PTPRD: variants seen among roughly 807,000 people sequenced by gnomAD.
PTPRD encodes protein tyrosine phosphatase receptor type D.
Under a neutral mutation model 214.5 loss-of-function variants are expected in PTPRD, and 34 were observed. The ratio of observed to expected loss-of-function variants is 0.16; its 90% CI spans 0.12 to 0.21. PTPRD has a LOEUF of 0.21. Ranked by LOEUF, PTPRD falls within the 10% of genes least tolerant of loss-of-function variation. The pLI is 1.00. For synonymous variants in PTPRD, 1,128 were observed against 845.7 expected, an observed-to-expected ratio of 1.33 and a Z score of -5.79; for missense variants, 2,545 against 2,398.7, an observed-to-expected ratio of 1.06 and a Z score of -1.27.
chr9:9,596,449 G>C (rs889404288), intron 7 of PTPRD, among the ~76,000 whole-genome samples: 1 of 151,816 alleles, frequency 6.6e-6, no homozygotes, highest in Non-Finnish European at 1.5e-5. Flanking sequence ...TGTTCACTTT[G>C]TAGAAAATCT....
chr9:10,150,589 C>A (rs1442895365), intron 3 of PTPRD, among the ~76,000 whole-genome samples: 1 of 150,716 alleles, frequency 6.6e-6, no homozygotes, highest in Non-Finnish European at 1.5e-5. Context: ...AGCACACCAG[C>A]ACAGCACATG....
intron 9 of PTPRD, among the ~76,000 whole-genome samples, chr9:9,389,042 A>T (rs990691076): frequency 6.6e-6 from 1 of 152,206 alleles, no homozygotes; most frequent in African/African-American, 2.4e-5. Flanking sequence ...TGGGCAAGTA[A>T]CTAAACTTTT....
intron 5 of PTPRD, among the ~76,000 whole-genome samples, chr9:9,798,205 C>A (rs916725777): frequency 1.3e-5 from 2 of 151,908 alleles, no homozygotes; most frequent in African/African-American, 2.4e-5. Flanking sequence ...GGGAGGAAAC[C>A]TTTATTCATT....
At chr9:9,252,405 G>C (rs1463082481) in intron 9 of PTPRD, among the ~76,000 whole-genome samples, 3 of 151,872 alleles carry the variant, frequency 2.0e-5, no homozygotes, top group African/African-American at 7.3e-5. Context: ...ACTTTTCCTG[G>C]CCACCTTCCT....
intron 8 of PTPRD, among the ~76,000 whole-genome samples, chr9:9,443,832 T>A (rs1477201266): frequency 6.6e-6 from 1 of 152,206 alleles, no homozygotes; most frequent in African/African-American, 2.4e-5. Context: ...GATGATGCTT[T>A]AAGCTGCTAA....
chr9:8,802,509 A>T (rs976822023), intron 11 of PTPRD, among the ~76,000 whole-genome samples: 2 of 152,170 alleles, frequency 1.3e-5, no homozygotes, highest in African/African-American at 4.8e-5. Flanking sequence ...GCACAAATAA[A>T]CTGAGTAATA....
chr9:9,668,489 T>C (rs2096765722), intron 7 of PTPRD, among the ~76,000 whole-genome samples: 1 of 152,172 alleles, frequency 6.6e-6, no homozygotes, highest in Admixed American at 6.5e-5. Context: ...TTTTAGTACA[T>C]TGTTGATTTT....
chr9:10,526,898 C>G (rs2054460038), intron 2 of PTPRD, among the ~76,000 whole-genome samples: 1 of 152,076 alleles, frequency 6.6e-6, no homozygotes, highest in African/African-American at 2.4e-5. Context: ...GCTTCATTAT[C>G]TATGTGTTCA....
At position 9,637,267 on chromosome 9, in the gene PTPRD, T is replaced by G. The variant is rs890648082; in HGVS notation, c.-286-62486A>C. 3.9e-5 allele frequency among the ~76,000 whole-genome samples: 6 copies of G among 152,146 alleles called. No homozygotes were observed. In the East Asian group the frequency reaches 1.2e-3, roughly 29 times the overall value. ...TTAATTCACTCTAGCATAAACTCAA[T>G]AGTCTGAAGTCCAGAGTTTCATTTA... On this transcript the variant is annotated intron_variant, in intron 7 of 45. Coordinates refer to ENST00000381196, the MANE Select transcript of PTPRD (RefSeq NM_002839.4).
At chr9:9,935,099 C>T (rs1002725917) in intron 5 of PTPRD, among the ~76,000 whole-genome samples, 1 of 152,080 alleles carries the variant, frequency 6.6e-6, no homozygotes, top group Non-Finnish European at 1.5e-5. Context: ...CTCTCTATGA[C>T]AAACCCACAG....
intron 7 of PTPRD, among the ~76,000 whole-genome samples, chr9:9,629,759 C>A (rs534349839): frequency 1.6e-4 from 25 of 152,262 alleles, no homozygotes; most frequent in Admixed American, 1.0e-3. Context: ...TCTTTCCCTT[C>A]TGAATTCAAA....
At chr9:9,908,506 G>C (rs933354475) in intron 5 of PTPRD, among the ~76,000 whole-genome samples, 1 of 151,996 alleles carries the variant, frequency 6.6e-6, no homozygotes, top group Non-Finnish European at 1.5e-5. Flanking sequence ...CTTTCTGCTG[G>C]GAGTATGTGC....
intron 5 of PTPRD, among the ~76,000 whole-genome samples, chr9:9,915,307 G>A (rs2080403444): frequency 6.6e-6 from 1 of 150,934 alleles, no homozygotes; most frequent in Non-Finnish European, 1.5e-5. Flanking sequence ...AATTAATGTA[G>A]GAACACATCA....
chr9:10,377,167 G>A (rs1170693413), intron 2 of PTPRD, among the ~76,000 whole-genome samples: 1 of 151,522 alleles, frequency 6.6e-6, no homozygotes, highest in Non-Finnish European at 1.5e-5. Context: ...TTGTCTTTCT[G>A]TGCCTGGCTT....
chr9:9,473,943 G>C (rs2146670391), intron 8 of PTPRD, among the ~76,000 whole-genome samples: 1 of 148,970 alleles, frequency 6.7e-6, no homozygotes, highest in Middle Eastern at 3.4e-3. Context: ...ACATTGTTTT[G>C]CTTTACGGAA....
chr9:8,925,738 G>T (rs10815998), intron 11 of PTPRD, among the ~76,000 whole-genome samples: 47,557 of 150,932 alleles, frequency 0.32, 7,586 homozygotes, highest in Middle Eastern at 0.36. Flanking sequence ...GTTCTGTTCA[G>T]CTATAAACAC....
chr9:9,044,071 G>A (rs1329673795), intron 10 of PTPRD, among the ~76,000 whole-genome samples: 1 of 152,126 alleles, frequency 6.6e-6, no homozygotes, highest in Non-Finnish European at 1.5e-5. Flanking sequence ...TGATGTATTA[G>A]TGTTATAACT....
intron 5 of PTPRD, among the ~76,000 whole-genome samples, chr9:9,899,331 A>G (rs1322549434): frequency 1.3e-5 from 2 of 152,136 alleles, no homozygotes; most frequent in African/African-American, 4.8e-5. Context: ...AATATCCAAT[A>G]AATAAGGAAC....
chr9:8,401,163 CTTTTCT>C (rs1167850205), intron 36 of PTPRD, among the ~76,000 whole-genome samples: 3 of 97,388 alleles, frequency 3.1e-5, no homozygotes, highest in African/African-American at 9.3e-5. Flanking sequence ...AAATATTTAC[CTTTTCT>C]TTTTTTTTTT....
Sources: allele counts gnomAD v4.1 joint callset (sites outside exome capture counted in the v4.1 genomes callset), GRCh38; gene constraint gnomAD v4.1.1; transcripts MANE v1.5; gene names NCBI Gene and HGNC (gene_info 2026-07-23, HGNC 2026-07-21).